Variants in SRGAP3 observed in about 807,000 individuals in gnomAD.
The protein encoded by SRGAP3 is SLIT-ROBO Rho GTPase-activating protein 3.
SRGAP3 carries 39 observed loss-of-function variants against 121.1 expected under a neutral mutation model. The ratio of observed to expected loss-of-function variants is 0.32; its 90% CI spans 0.25 to 0.42. The LOEUF is 0.42. Among genes scored for constraint, SRGAP3 ranks in the 10% least tolerant of loss-of-function variants. The pLI, the probability that SRGAP3 is intolerant of heterozygous loss-of-function variation, is 1.00. For missense variants in SRGAP3, 1,213 were observed against 1,470.6 expected (o/e 0.82, Z 2.86); for synonymous variants, 601 against 570.0 (o/e 1.05, Z -0.77).
chr3:9,143,464 T>G (rs748155412), intron 1 of SRGAP3, among the ~76,000 whole-genome samples: 1 of 152,252 alleles, frequency 6.6e-6, no homozygotes, highest in African/African-American at 2.4e-5. Context: ...CTGATGTAGA[T>G]TGGCTTATCA....
At chr3:9,119,334 A>G (rs1316771628) in intron 2 of SRGAP3, among the ~76,000 whole-genome samples, 1 of 152,162 alleles carries the variant, frequency 6.6e-6, no homozygotes, top group Non-Finnish European at 1.5e-5. Flanking sequence ...CCACATGCCC[A>G]TGAGTGGGCT....
intron 10 of SRGAP3, among the ~76,000 whole-genome samples, chr3:9,046,867 G>T (rs567666836): frequency 2.5e-4 from 38 of 150,052 alleles, no homozygotes; most frequent in Admixed American, 1.3e-3. Flanking sequence ...GTCTCGCTCT[G>T]TCGCCCAGGC....
At chr3:9,267,524 G>A (rs372599333) in intron 3 of SRGAP3, among the ~76,000 whole-genome samples, 2 of 152,270 alleles carry the variant, frequency 1.3e-5, no homozygotes, top group South Asian at 2.1e-4. Context: ...CGCAGGCAGC[G>A]GTTGCAGTTG....
At chr3:9,123,405 T>TATATATATATATATATATATAC (rs1949095774) in intron 2 of SRGAP3, among the ~76,000 whole-genome samples, 3 of 1,758 alleles carry the variant, frequency 1.7e-3, no homozygotes, top group African/African-American at 2.8e-3. Context: ...ACAATACACA[T>TATATATATATATATATATATAC]ACATACACAT....
intron 1 of SRGAP3, among the ~76,000 whole-genome samples, chr3:9,142,829 CTTTTTTTTT>C (rs397795766): frequency 1.1e-5 from 1 of 90,832 alleles, no homozygotes; most frequent in Admixed American, 1.6e-4. Context: ...GGGCAATTTC[CTTTTTTTTT>C]TTTTTTTTTT....
At chr3:9,010,601 C>T (rs1001249782) in intron 17 of SRGAP3, among the ~76,000 whole-genome samples, 16 of 152,130 alleles carry the variant, frequency 1.1e-4, no homozygotes, top group African/African-American at 3.9e-4. Flanking sequence ...CCAAATATCT[C>T]CCCCAGTGCC....
chr3:9,132,094 T>C (rs1438266589), intron 1 of SRGAP3, among the ~76,000 whole-genome samples: 1 of 152,190 alleles, frequency 6.6e-6, no homozygotes, highest in East Asian at 1.9e-4. Context: ...TCTTTTTTTT[T>C]AATTAATGGG....
intron 1 of SRGAP3, among the ~76,000 whole-genome samples, chr3:9,142,387 T>C (rs1430619764): frequency 1.3e-5 from 2 of 152,222 alleles, no homozygotes; most frequent in African/African-American, 4.8e-5. Context: ...TCTCCCTTTG[T>C]AGACACATCT....
At chr3:9,003,431 A>G (rs1367985632) in intron 18 of SRGAP3, among the ~76,000 whole-genome samples, 1 of 152,108 alleles carries the variant, frequency 6.6e-6, no homozygotes, top group Non-Finnish European at 1.5e-5. Flanking sequence ...GTGAGCCAAG[A>G]TTGTGCCACT....
At chr3:9,044,538 A>G (rs997228104) in intron 10 of SRGAP3, among the ~76,000 whole-genome samples, 2 of 152,210 alleles carry the variant, frequency 1.3e-5, no homozygotes, top group Non-Finnish European at 2.9e-5. Context: ...TCCATTTCAT[A>G]TTTTCAGGCC....
intron 3 of SRGAP3, among the ~76,000 whole-genome samples, chr3:9,092,844 G>C (rs887918939): frequency 3.9e-5 from 6 of 152,116 alleles, no homozygotes; most frequent in African/African-American, 1.2e-4. Context: ...TCCAAGTCGA[G>C]GTAGCTGGGG....
chr3:9,049,420 C>T, intron 9 of SRGAP3: 2 of 456,074 alleles, frequency 4.4e-6, no homozygotes, highest in Non-Finnish European at 8.8e-6. Context: ...TACGTTTAAG[C>T]CTCATCAGAG....
At chr3:9,213,876 C>T (rs1952528850) in intron 1 of SRGAP3, among the ~76,000 whole-genome samples, 1 of 152,148 alleles carries the variant, frequency 6.6e-6, no homozygotes, top group Non-Finnish European at 1.5e-5. Flanking sequence ...ACCCCAGGGA[C>T]TTTGCACTTG....
chr3:9,358,874 C>T (rs565958065), intron 1 of SRGAP3, among the ~76,000 whole-genome samples: 1 of 152,286 alleles, frequency 6.6e-6, no homozygotes, highest in Non-Finnish European at 1.5e-5. Context: ...TCAGAGGGCC[C>T]TTGGCCCTCT....
chr3:9,051,236 C>T (rs944282368), intron 9 of SRGAP3, among the ~76,000 whole-genome samples: 2 of 152,066 alleles, frequency 1.3e-5, no homozygotes, highest in South Asian at 4.2e-4. Flanking sequence ...GTCTCAAACT[C>T]CTGGGCTAAA....
chr3:9,064,283 A>C, intron 5 of SRGAP3, 113 bp downstream of exon 5: 3 of 1,415,660 alleles, frequency 2.1e-6, no homozygotes, highest in Non-Finnish European at 2.9e-6. Context: ...ACCCACCACC[A>C]CCCCACTGGG....
At chr3:9,308,878 C>T (rs905775177) in intron 3 of SRGAP3, among the ~76,000 whole-genome samples, 2 of 152,082 alleles carry the variant, frequency 1.3e-5, no homozygotes, top group Admixed American at 6.5e-5. Flanking sequence ...CACCCTTGCC[C>T]CACTCTTTCA....
chr3:9,032,484 A>AGCT (rs1467029483), intron 12 of SRGAP3, among the ~76,000 whole-genome samples, 166 bp downstream of exon 12: 1 of 152,236 alleles, frequency 6.6e-6, no homozygotes, highest in Non-Finnish European at 1.5e-5. Context: ...AAGCCACGGC[A>AGCT]GCTCCCGTGA....
chr3:9,249,512 A>G lies in SRGAP3; in HGVS notation c.-561T>C, dbSNP rs1257162590. ...CTGCTAAGTCGATGGTCAGGTTGCC[A>G]AAGGGCCGGTCATCTCGCATCCTCC... On this transcript the variant is annotated 5_prime_UTR_variant, in exon 1 of 22. Coordinates refer to ENST00000383836, the MANE Select transcript of SRGAP3 (RefSeq NM_014850.4). The G allele has an allele frequency of 4.1e-6, 1 of 243,530 alleles. No individual in the cohort carries two copies. The highest frequency in any genetic ancestry group is 2.2e-5 in the African/African-American group (1 of 45,418). 15.1% of individuals were successfully genotyped at this position (243,530 alleles called of 1,614,324 possible). A position where few individuals can be genotyped will look rare whatever the true frequency, so the allele number is the denominator to read the frequency against.
Sources: allele counts gnomAD v4.1 joint callset (sites outside exome capture counted in the v4.1 genomes callset), GRCh38; gene constraint gnomAD v4.1.1; transcripts MANE v1.5; gene names NCBI Gene and HGNC (gene_info 2026-07-23, HGNC 2026-07-21).